The following ZFYVE19 variants were observed in gnomAD, a reference collection of about 807,000 sequenced individuals.
ZFYVE19 encodes the protein abscission/NoCut checkpoint regulator.
ZFYVE19 carries 49 observed loss-of-function variants against 62.8 expected under a neutral mutation model. That is an observed-to-expected ratio of 0.78 (90% CI 0.62 to 0.99). ZFYVE19 has a LOEUF of 0.99. ZFYVE19 is among the 50% of genes least tolerant of loss of function. The pLI is 0.00. For missense variants in ZFYVE19, 630 were observed against 601.9 expected (o/e 1.05, Z -0.49); for synonymous variants, 242 against 234.3 (o/e 1.03, Z -0.30).
chr15:40,811,121 A>G (rs1180068780), intron 6 of ZFYVE19: 6 of 285,156 alleles, frequency 2.1e-5, no homozygotes, highest in African/African-American at 1.1e-4. Context: ...TTGGGAACAT[A>G]CCTGACTCAT....
chr15:40,810,668 C>G lies in ZFYVE19; in HGVS notation c.737C>G (p.Thr246Ser). 6.4e-7 allele frequency: 1 copy of G among 1,572,734 alleles called. No homozygotes were observed. Among genetic ancestry groups the G allele is most frequent in the East Asian group, 2.3e-5 (1 of 42,782 alleles). Residue 246 changes from threonine (T) to serine (S), a missense_variant, in exon 6 of 11, where the codon ACC becomes AGC. Coordinates refer to ENST00000355341, the MANE Select transcript of ZFYVE19 (RefSeq NM_001077268.2). ...TPQPAHHTPD[T>S]RTQAQQTQDL... ...GTGCAGGCACATCACACACCGGACA[C>G]CAGGACCCAAGCCCAGCAGACACAG...
chr15:40,813,444 C>T, intron 8 of ZFYVE19, 27 bp downstream of exon 8: 1 of 1,576,198 alleles, frequency 6.3e-7, no homozygotes, highest in Non-Finnish European at 8.6e-7. Context: ...CACCTGCCAC[C>T]CCTTGTCCCG....
chr15:40,810,615 C>T (rs1189462944), intron 5 of ZFYVE19, 34 bp from the exon 6 acceptor site: 8 of 1,551,660 alleles, frequency 5.2e-6, no homozygotes, highest in South Asian at 1.2e-5. Flanking sequence ...CTGGGCTACC[C>T]CTGCTCTCCA....
chr15:40,807,986 G>A, intron 1 of ZFYVE19, 118 bp downstream of exon 1: 1 of 1,289,410 alleles, frequency 7.8e-7, no homozygotes, highest in South Asian at 1.3e-5. Context: ...TTTTGATGAA[G>A]TCATTGATCC....
At position 40,809,128 on chromosome 15, in the gene ZFYVE19, A is replaced by G. The variant is rs754295626; in HGVS notation, c.289A>G (p.Lys97Glu). 2.5e-6 allele frequency: 4 copies of G among 1,614,042 alleles called. No homozygotes were observed. The highest frequency in any genetic ancestry group is 3.4e-6 in the Non-Finnish European group (4 of 1,179,914). ...TTCATGTTTCTTGTAGTACGGCTGT[A>G]AGAATTGTGGCAGGGCCTTCTGTTC... The part of the protein sequence containing the change: ...FTLFKKEYGC[K>E]NCGRAFCSGC... Residue 97 changes from lysine (K) to glutamate (E), a missense_variant, in exon 2 of 11, where the codon AAG becomes GAG. Coordinates refer to ENST00000355341, the MANE Select transcript of ZFYVE19 (RefSeq NM_001077268.2).
At chr15:40,810,324 T>G in intron 5 of ZFYVE19, 108 bp downstream of exon 5, 2 of 1,490,134 alleles carry the variant, frequency 1.3e-6, no homozygotes, top group Non-Finnish European at 1.8e-6. Flanking sequence ...TTTTTGTCAT[T>G]ACTTTTAATT....
At chr15:40,810,466 G>C (rs950705827) in intron 5 of ZFYVE19, among the ~76,000 whole-genome samples, 183 bp from the exon 6 acceptor site, 7 of 152,188 alleles carry the variant, frequency 4.6e-5, no homozygotes, top group Admixed American at 4.6e-4. Context: ...CAAACAGCAC[G>C]ATAGGGTAGG....
In ZFYVE19 at chr15:40,814,154, C is replaced by T; in HGVS notation, c.1344C>T (p.Gly448=). ...GTATCCCTTTGTTCCACAGAGAGGG[C>T]CATGATGCCTTTGAGCTTAAAGAGC... ...DLFCARCFRE[G]HDAFELKEHQ... The change falls in exon 11 of 11, where the codon GGC becomes GGT. Residue 448 remains glycine (G), a synonymous_variant. Transcript: ENST00000355341. 1 of 1,614,216 alleles carries T rather than the reference C, an allele frequency of 6.2e-7. No individual in the cohort carries two copies. The highest frequency in any genetic ancestry group is 8.5e-7 in the Non-Finnish European group (1 of 1,180,034).
rs1188470137 is a variant in ZFYVE19 at position 40,807,317 on chromosome 15, AG to A, written c.-271del. On this transcript the variant is annotated 5_prime_UTR_variant, in exon 1 of 11. The change abolishes the stop of an existing upstream ORF in the 5' untranslated region. Coordinates refer to ENST00000355341, the MANE Select transcript of ZFYVE19 (RefSeq NM_001077268.2). ...CCAGCAGTGGCCGAGGCGCTAGGAC[AG>A]GAAGGACCGCCAGACCTCTCAAGAT... is the stretch of plus-strand genomic sequence containing the variant. The A allele has an allele frequency of 2.5e-6, 4 of 1,614,066 alleles. No individual in the cohort carries two copies. The highest frequency in any genetic ancestry group is 3.4e-6 in the Non-Finnish European group (4 of 1,180,018).
chr15:40,808,604 T>C, intron 1 of ZFYVE19: 1 of 480,720 alleles, frequency 2.1e-6, no homozygotes, highest in South Asian at 2.6e-5. Context: ...TAATCACGGT[T>C]GGCATCAAGA....
At chr15:40,813,845 C>G (rs961415182) in intron 9 of ZFYVE19, 34 bp downstream of exon 9, 5 of 1,602,652 alleles carry the variant, frequency 3.1e-6, no homozygotes, top group Non-Finnish European at 3.4e-6. Context: ...CCCCCAGGCT[C>G]CCCCCAGCCT....
chr15:40,810,934 T>C (rs987417109), intron 6 of ZFYVE19, 177 bp downstream of exon 6: 24 of 733,680 alleles, frequency 3.3e-5, no homozygotes, highest in East Asian at 2.7e-4. Flanking sequence ...AGTGTTTAAG[T>C]GCACGGGCTT....
rs1890289157 is a variant in ZFYVE19, at chr15:40,807,603, C to G, written c.14C>G (p.Ser5Cys). The change falls in exon 1 of 11, where the codon TCC (serine) becomes TGC (cysteine). Residue 5 changes from serine to cysteine, a missense_variant. Physicochemically the swap from Ser to Cys is moderately radical, Grantham distance 112. Coordinates refer to ENST00000355341, the MANE Select transcript of ZFYVE19 (RefSeq NM_001077268.2). MNYD[S>C]QQPPLPPLPY... Reference sequence around the variant, plus strand: ...CGGCAGTCGTGAATGAACTACGACTCCCAGCAGCCCCCGTTGCCGCCGCTG... The same window carrying G: ...CGGCAGTCGTGAATGAACTACGACTGCCAGCAGCCCCCGTTGCCGCCGCTG... 1 of 1,612,602 alleles carries G rather than the reference C, an allele frequency of 6.2e-7. No homozygotes were observed. Among genetic ancestry groups the G allele is most frequent in the African/African-American group, 1.3e-5 (1 of 74,930 alleles).
In ZFYVE19 at chr15:40,808,121, C is replaced by T; in HGVS notation, c.279+253C>T. 2 of 1,447,252 alleles carry T rather than the reference C, an allele frequency of 1.4e-6. 1 individual carries two copies. The highest frequency in any genetic ancestry group is 1.9e-6 in the Non-Finnish European group (2 of 1,049,824). 89.7% of individuals were successfully genotyped at this position (1,447,252 alleles called of 1,614,324 possible). A position where few individuals can be genotyped will look rare whatever the true frequency, so the allele number is the denominator to read the frequency against. ...GTAAAGCGCGCTGCCGTCGTTTTTG[C>T]AAAGCTACTCTTTTCTGTCGGCCCA... On this transcript the variant is annotated intron_variant, in intron 1 of 10. Coordinates refer to ENST00000355341, the MANE Select transcript of ZFYVE19 (RefSeq NM_001077268.2).
In ZFYVE19 at chr15:40,813,943, GCCCAGGATGTGGAC is replaced by G; in HGVS notation, c.1217_1230del (p.Asp406AlafsTer2). ...CTCCATTCCTCTCTGATCCCTGAAG[GCCCAGGATGTGGAC>G]CCCAGGCCTGAGGCTGAGGAAGAGG... On this transcript the variant is annotated frameshift_variant and splice_region_variant, in exon 10 of 11. Transcript: ENST00000355341. LOFTEE classifies it high-confidence loss of function. 6.2e-7 allele frequency: 1 copy of G among 1,605,626 alleles called. No homozygotes were observed.
chr15:40,813,969 G>A lies in ZFYVE19; in HGVS notation c.1236G>A (p.Glu412=), dbSNP rs1890586468. The change falls in exon 10 of 11, where the codon GAG becomes GAA. Residue 412 remains glutamate (E), a synonymous_variant. Coordinates refer to ENST00000355341, the MANE Select transcript of ZFYVE19 (RefSeq NM_001077268.2). ...CCCAGGATGTGGACCCCAGGCCTGAGGCTGAGGAAGAGGAGCTCCCCTGGT... is the reference window on the plus strand; with the variant it reads ...CCCAGGATGTGGACCCCAGGCCTGAAGCTGAGGAAGAGGAGCTCCCCTGGT... ...PEAQDVDPRP[E]AEEEELPWCC... The A allele has an allele frequency of 1.2e-6, 2 of 1,612,724 alleles. No homozygotes were observed. Among genetic ancestry groups the A allele is most frequent in the Non-Finnish European group, 1.7e-6 (2 of 1,179,216 alleles).
chr15:40,814,334 G>A lies in ZFYVE19; in HGVS notation c.*108G>A. On this transcript the variant is annotated 3_prime_UTR_variant, in exon 11 of 11. Coordinates refer to ENST00000355341, the MANE Select transcript of ZFYVE19 (RefSeq NM_001077268.2). ...GAGCTTGTCTGGCTCTACTGATGAT[G>A]GATAGGCCCCTTCCTGAGCCTTGGT... 1 of 1,240,460 alleles carries A rather than the reference G, an allele frequency of 8.1e-7. No individual in the cohort carries two copies. Among genetic ancestry groups the A allele is most frequent in the Non-Finnish European group, 1.1e-6 (1 of 875,120 alleles). 76.8% of individuals were successfully genotyped at this position (1,240,460 alleles called of 1,614,324 possible).
At chr15:40,808,931 A>G (rs1235757399) in intron 1 of ZFYVE19, 188 bp from the exon 2 acceptor site, 2 of 667,090 alleles carry the variant, frequency 3.0e-6, no homozygotes, top group Non-Finnish European at 5.1e-6. Flanking sequence ...TTTGGCTTGA[A>G]TAAGGTACTG....
In ZFYVE19 at chr15:40,807,521, C is replaced by T; in HGVS notation, c.-69C>T. On this transcript the variant is annotated 5_prime_UTR_variant, in exon 1 of 11. Coordinates refer to ENST00000355341, the MANE Select transcript of ZFYVE19 (RefSeq NM_001077268.2). Reference sequence around the variant, plus strand: ...CGTGAGGACTGCAGGCTCCGAGCGGCGCCTAGCCCTCTGGGAATTGTGTTC... The same window carrying T: ...CGTGAGGACTGCAGGCTCCGAGCGGTGCCTAGCCCTCTGGGAATTGTGTTC... 1 of 1,605,680 alleles carries T rather than the reference C, an allele frequency of 6.2e-7. No homozygotes were observed. The highest frequency in any genetic ancestry group is 8.5e-7 in the Non-Finnish European group (1 of 1,174,386).
Sources: allele counts gnomAD v4.1 joint callset (sites outside exome capture counted in the v4.1 genomes callset), GRCh38; gene constraint gnomAD v4.1.1; transcripts MANE v1.5; gene names NCBI Gene and HGNC (gene_info 2026-07-23, HGNC 2026-07-21).